The following EML6 variants were observed in gnomAD, a reference collection of about 807,000 sequenced individuals.
EML6 encodes the protein echinoderm microtubule-associated protein-like 6.
A neutral mutation model predicts 240.1 loss-of-function variants in EML6; 154 were observed. The ratio of observed to expected loss-of-function variants is 0.64; its 90% CI spans 0.56 to 0.73. EML6 has a LOEUF of 0.73. EML6 is among the 30% of genes least tolerant of loss of function. EML6 has a pLI of 0.00. For missense variants in EML6, 2,964 were observed against 2,474.6 expected, an observed-to-expected ratio of 1.20 and a Z score of -4.20; for synonymous variants, 1,148 against 899.0, an observed-to-expected ratio of 1.28 and a Z score of -4.95.
At chr2:54,734,943 T>C (rs1683329441) in intron 2 of EML6, among the ~76,000 whole-genome samples, 1 of 152,234 alleles carries the variant, frequency 6.6e-6, no homozygotes, top group Non-Finnish European at 1.5e-5. Flanking sequence ...ATCTTCTCCC[T>C]GGCTTCTCTT....
chr2:54,962,864 C>T (rs940439158), intron 36 of EML6, among the ~76,000 whole-genome samples, 153 bp downstream of exon 36: 1 of 152,190 alleles, frequency 6.6e-6, no homozygotes. Flanking sequence ...AAAGAAGCCC[C>T]ACTCACCACA....
At chr2:54,903,648 C>G in intron 24 of EML6, 146 bp downstream of exon 24, 2 of 696,792 alleles carry the variant, frequency 2.9e-6, no homozygotes, top group Non-Finnish European at 4.6e-6. Flanking sequence ...ATTTTACAAC[C>G]CAGAGGCAGC....
rs866297568 is a variant in EML6 at position 54,789,543 on chromosome 2, A to G, written c.198-23689A>G. On this transcript the variant is annotated intron_variant, in intron 2 of 41. Coordinates refer to ENST00000356458, the MANE Select transcript of EML6 (RefSeq NM_001039753.4). ...AAAAAAAAAAAAAAAAAAAAAAAAA[A>G]AAAAAGAAAAAGAATGTGCTTTCCA... 5.2e-4 allele frequency among the ~76,000 whole-genome samples: 76 copies of G among 145,726 alleles called. No homozygotes were observed. In the South Asian group the frequency reaches 0.01, roughly 19 times the overall value.
chr2:54,826,753 G>A (rs1050801335), intron 5 of EML6, among the ~76,000 whole-genome samples: 12 of 152,270 alleles, frequency 7.9e-5, no homozygotes, highest in Non-Finnish European at 1.5e-4. Context: ...CTGAAAAGCC[G>A]AGTCAATTAT....
intron 34 of EML6, among the ~76,000 whole-genome samples, chr2:54,959,580 G>A (rs951066686): frequency 5.3e-5 from 8 of 152,104 alleles, no homozygotes; most frequent in African/African-American, 1.9e-4. Flanking sequence ...TGGTCAACAT[G>A]GTGAAACCCT....
chr2:54,956,881 C>G (rs569556247), intron 32 of EML6, among the ~76,000 whole-genome samples: 1 of 151,894 alleles, frequency 6.6e-6, no homozygotes, highest in South Asian at 2.1e-4. Flanking sequence ...ATTTAAAACT[C>G]GAGAGCTTAA....
intron 7 of EML6, among the ~76,000 whole-genome samples, chr2:54,839,068 T>C (rs1322085193): frequency 6.6e-6 from 1 of 152,222 alleles, no homozygotes; most frequent in African/African-American, 2.4e-5. Flanking sequence ...GCTGCCTTGG[T>C]CAGCCCAGCT....
chr2:54,950,822 T>A (rs754242116), intron 30 of EML6, 43 bp downstream of exon 30: 20 of 1,532,648 alleles, frequency 1.3e-5, no homozygotes, highest in Admixed American at 1.0e-4. Flanking sequence ...TTTAGCTGTT[T>A]TTTACATGCT....
rs1384926699 is a variant in EML6, at chr2:54,847,544, C to T, written c.1108C>T (p.Arg370Cys). The T allele has an allele frequency of 5.8e-6, 9 of 1,552,030 alleles. No individual in the cohort carries two copies. The highest frequency in any genetic ancestry group is 6.1e-6 in the Non-Finnish European group (7 of 1,147,096). ...CCGCTGTAACATGGAAGAGGCGGTT[C>T]GCAGTGTAGCTTTCAGCCCCGACGG... ...IARCNMEEAV[R>C]SVAFSPDGSQ... The change falls in exon 9 of 42, where the codon CGC becomes TGC. Residue 370 changes from arginine to cysteine, a missense_variant. Transcript: ENST00000356458.
intron 2 of EML6, among the ~76,000 whole-genome samples, chr2:54,804,338 GA>G (rs1302235380): frequency 1.3e-5 from 2 of 152,224 alleles, no homozygotes; most frequent in African/African-American, 4.8e-5. Context: ...AGGAAAAAAG[GA>G]TGACTAGCTC....
intron 17 of EML6, among the ~76,000 whole-genome samples, chr2:54,885,530 G>A (rs747639710): frequency 1.3e-5 from 2 of 152,060 alleles, no homozygotes; most frequent in Non-Finnish European, 2.9e-5. Flanking sequence ...AACACATTTC[G>A]TCTTTAGATC....
At chr2:54,797,269 G>C (rs1669868393) in intron 2 of EML6, among the ~76,000 whole-genome samples, 3 of 151,542 alleles carry the variant, frequency 2.0e-5, no homozygotes. Context: ...GATGGATGCT[G>C]CTGGTCTGAA....
At chr2:54,948,767 C>A (rs148182275) in intron 28 of EML6, 115 bp from the exon 29 acceptor site, 15 of 733,396 alleles carry the variant, frequency 2.0e-5, no homozygotes, top group African/African-American at 1.2e-4. Flanking sequence ...AGTGGAGGGG[C>A]CTTTGAGGCG....
At chr2:54,942,967 C>T (rs991607965) in intron 28 of EML6, among the ~76,000 whole-genome samples, 1 of 152,224 alleles carries the variant, frequency 6.6e-6, no homozygotes, top group Non-Finnish European at 1.5e-5. Flanking sequence ...CCTCCTACCA[C>T]CTGCCTCTCC....
At chr2:54,909,050 TAAGTG>T (rs1673499386) in intron 24 of EML6, among the ~76,000 whole-genome samples, 1 of 152,256 alleles carries the variant, frequency 6.6e-6, no homozygotes, top group Non-Finnish European at 1.5e-5. Flanking sequence ...TTTTTGGTTT[TAAGTG>T]AAGTATGATC....
intron 2 of EML6, among the ~76,000 whole-genome samples, chr2:54,793,905 G>T (rs1020748988): frequency 6.6e-6 from 1 of 152,174 alleles, no homozygotes; most frequent in African/African-American, 2.4e-5. Flanking sequence ...CCTACTAGGA[G>T]ACAGTTCTCC....
chr2:54,847,741 A>AGCGTAG, intron 9 of EML6, 118 bp downstream of exon 9: 1 of 1,036,730 alleles, frequency 9.6e-7, no homozygotes, highest in Admixed American at 2.5e-5. Flanking sequence ...TTCAAATAGG[A>AGCGTAG]ATACTATAGA....
intron 2 of EML6, among the ~76,000 whole-genome samples, chr2:54,744,319 G>T (rs1683797640): frequency 6.6e-6 from 1 of 152,070 alleles, no homozygotes; most frequent in African/African-American, 2.4e-5. Flanking sequence ...CCAGAGGAAG[G>T]GATGTAAACC....
intron 11 of EML6, among the ~76,000 whole-genome samples, chr2:54,858,198 C>G (rs898343701): frequency 2.6e-5 from 4 of 152,158 alleles, no homozygotes; most frequent in African/African-American, 9.7e-5. Context: ...GCTGTGTGAG[C>G]CTCTCCATAG....
Sources: allele counts gnomAD v4.1 joint callset (sites outside exome capture counted in the v4.1 genomes callset), GRCh38; gene constraint gnomAD v4.1.1; transcripts MANE v1.5; gene names NCBI Gene and HGNC (gene_info 2026-07-23, HGNC 2026-07-21).